PRDM1: variants seen among roughly 807,000 people sequenced by gnomAD.
The protein encoded by PRDM1 is PR/SET domain 1, also known as PR domain zinc finger protein 1.
Under a neutral mutation model 62.8 loss-of-function variants are expected in PRDM1, and 13 were observed. The ratio of observed to expected loss-of-function variants is 0.21; its 90% CI spans 0.13 to 0.33. PRDM1 has a LOEUF of 0.33. Ranked by LOEUF, PRDM1 falls within the 10% of genes least tolerant of loss-of-function variation. The pLI is 1.00. For synonymous variants in PRDM1, 396 were observed against 417.6 expected (o/e 0.95, Z 0.63); for missense variants, 895 against 1,058.8 (o/e 0.85, Z 2.15).
chr6:106,040,497 T>A (rs1402119397), intron 1 of PRDM1, among the ~76,000 whole-genome samples: 1 of 152,216 alleles, frequency 6.6e-6, no homozygotes, highest in African/African-American at 2.4e-5. Context: ...GTCCTCCTAG[T>A]TTCTGTTCTA....
In PRDM1 at chr6:106,099,393, C is replaced by T. The variant is rs144324355; in HGVS notation, c.505C>T (p.Arg169Trp). 7.4e-6 allele frequency: 12 copies of T among 1,614,188 alleles called. No individual in the cohort carries two copies. The highest frequency in any genetic ancestry group is 6.7e-5 in the East Asian group (3 of 44,886). ...CTATGTGAATCCAGCACACTCTCCCCGGGAGCAAAACCTGGCTGCGTGTCA... is the reference window on the plus strand; with the variant it reads ...CTATGTGAATCCAGCACACTCTCCCTGGGAGCAAAACCTGGCTGCGTGTCA... ...MRYVNPAHSP[R>W]EQNLAACQNG... Residue 169 changes from arginine to tryptophan, a missense_variant, in exon 4 of 7, where the codon CGG becomes TGG. Physicochemically the swap from Arg to Trp is moderately radical, Grantham distance 101 (BLOSUM62 -3). Around this residue, in one of 4 missense-constraint regions of PRDM1, gnomAD observed 213 missense variants for 283.9 expected, o/e 0.75. Transcript: ENST00000369096.
At chr6:106,064,799 C>T (rs1235091314) in intron 1 of PRDM1, among the ~76,000 whole-genome samples, 2 of 152,198 alleles carry the variant, frequency 1.3e-5, no homozygotes, top group Admixed American at 6.5e-5. Flanking sequence ...GAGAACAGCA[C>T]AGAGCCTTGG....
chr6:106,061,387 T>C (rs1379116763), intron 1 of PRDM1, among the ~76,000 whole-genome samples: 2 of 151,800 alleles, frequency 1.3e-5, no homozygotes, highest in Non-Finnish European at 2.9e-5. Flanking sequence ...GTTCCACTGA[T>C]CCGGACTGAG....
chr6:106,028,915 C>A (rs894366021), intron 1 of PRDM1, among the ~76,000 whole-genome samples: 2 of 145,714 alleles, frequency 1.4e-5, no homozygotes, highest in African/African-American at 5.1e-5. Flanking sequence ...TCTTTCTTTC[C>A]TTCTTTTTTT....
At chr6:106,058,093 T>C (rs1022034266) in intron 1 of PRDM1, among the ~76,000 whole-genome samples, 15 of 152,204 alleles carry the variant, frequency 9.9e-5, no homozygotes, top group African/African-American at 3.6e-4. Context: ...TGCACCAATA[T>C]TTGGCAAAAG....
chr6:106,068,410 G>A (rs759800164), intron 1 of PRDM1, among the ~76,000 whole-genome samples: 2 of 152,120 alleles, frequency 1.3e-5, no homozygotes, highest in Non-Finnish European at 2.9e-5. Flanking sequence ...TCTCCTCAGA[G>A]TAGCAACTGT....
chr6:106,100,767 G>A (rs2114641622), intron 4 of PRDM1, among the ~76,000 whole-genome samples: 1 of 152,222 alleles, frequency 6.6e-6, no homozygotes, highest in Non-Finnish European at 1.5e-5. Flanking sequence ...GGCTATAAAA[G>A]CATCAGGACC....
rs149922954 is a variant in PRDM1 at position 106,029,006 on chromosome 6, C to T, written c.-67+35367C>T. 4.6e-4 allele frequency among the ~76,000 whole-genome samples: 70 copies of T among 151,152 alleles called. No homozygotes were observed. In the East Asian group the frequency reaches 0.014, roughly 29 times the overall value. ...CACTATCTCGGCTCATTGCAACCTC[C>T]ACCTCCTGGGTTCAAGCGATTCTCC... On this transcript the variant is annotated intron_variant, in intron 1 of 6. Transcript: ENST00000652320.
intron 2 of PRDM1, among the ~76,000 whole-genome samples, chr6:106,092,851 G>A (rs902628049): frequency 2.0e-5 from 3 of 152,184 alleles, no homozygotes; most frequent in African/African-American, 7.2e-5. Flanking sequence ...GACTTAGAAT[G>A]GATATAGGTG....
chr6:106,025,066 T>G (rs1313919911), intron 1 of PRDM1, among the ~76,000 whole-genome samples: 3 of 152,210 alleles, frequency 2.0e-5, no homozygotes, highest in Admixed American at 6.5e-5. Flanking sequence ...ATTAATGGTT[T>G]AAAAATAAAT....
chr6:106,105,488 T>A lies in PRDM1; in HGVS notation c.1328T>A (p.Leu443Gln). ...GINNFGLFPRLCPVYSNLLGG... is the reference protein window; with the variant it reads ...GINNFGLFPRQCPVYSNLLGG... Reference sequence around the variant, plus strand: ...AACAACTTTGGCCTCTTCCCGAGGCTGTGCCCTGTCTACAGCAATCTCCTC... The same window carrying A: ...AACAACTTTGGCCTCTTCCCGAGGCAGTGCCCTGTCTACAGCAATCTCCTC... Residue 443 changes from leucine to glutamine, a missense_variant, in exon 5 of 7, where the codon CTG becomes CAG. This residue lies in a region of PRDM1 where 444 missense variants were observed against 422.7 expected (regional missense o/e 1.05). Coordinates refer to ENST00000369096, the MANE Select transcript of PRDM1 (RefSeq NM_001198.4). 6.2e-7 allele frequency: 1 copy of A among 1,614,092 alleles called. No homozygotes were observed. The highest frequency in any genetic ancestry group is 8.5e-7 in the Non-Finnish European group (1 of 1,180,024).
chr6:106,028,243 C>T (rs959376057), intron 1 of PRDM1, among the ~76,000 whole-genome samples: 2 of 152,116 alleles, frequency 1.3e-5, no homozygotes, highest in Non-Finnish European at 2.9e-5. Context: ...GTCTTTCGGT[C>T]CAATCGCATG....
At chr6:106,026,205 G>GC (rs1168488412) in intron 1 of PRDM1, among the ~76,000 whole-genome samples, 1 of 152,190 alleles carries the variant, frequency 6.6e-6, no homozygotes. Context: ...ATGGCCGGGT[G>GC]CAGTGACTCA....
intron 1 of PRDM1, chr6:106,072,205 T>C (rs1773530403): frequency 6.6e-6 from 1 of 152,258 alleles, no homozygotes; most frequent in South Asian, 2.1e-4. Flanking sequence ...ACTTCTTAGC[T>C]GTTTCACTGG....
chr6:106,078,270 A>G (rs987816126), intron 1 of PRDM1: 1 of 152,180 alleles, frequency 6.6e-6, no homozygotes, highest in Non-Finnish European at 1.5e-5. Flanking sequence ...GGAAGACATA[A>G]ATTTTCAGTC....
rs901554866 is a variant in PRDM1 at position 106,109,646 on chromosome 6, G to A, written c.*2160G>A. The A allele has an allele frequency of 5.1e-5, 12 of 233,150 alleles. No individual in the cohort carries two copies. The highest frequency in any genetic ancestry group is 7.6e-5 in the Non-Finnish European group (9 of 117,802). The allele number at this position is 233,150 out of a possible 1,614,324, so 14.4% of individuals were successfully genotyped here. ...AAATACTTTTGATTCCCAACTACTC[G>A]TTTGTTCTTTTTCTCCTTTTGTGCT... On this transcript the variant is annotated 3_prime_UTR_variant, in exon 7 of 7. Coordinates refer to ENST00000369096, the MANE Select transcript of PRDM1 (RefSeq NM_001198.4).
Position 106,088,379 on chromosome 6 carries a change from G to A in PRDM1, c.221G>A (p.Gly74Asp), listed in dbSNP as rs1281197775. ...CCCTGGGATTCTGGTGCTGATGGCG[G>A]TACTTCGGTTCAGGCGGAGGCATCC... ...DHPWDSGADGGTSVQAEASLP... is the reference protein window; with the variant it reads ...DHPWDSGADGDTSVQAEASLP... The change falls in exon 2 of 7, where the codon GGT becomes GAT. Residue 74 changes from glycine to aspartate, a missense_variant. Transcript: ENST00000369096. 2 of 1,614,188 alleles carry A rather than the reference G, an allele frequency of 1.2e-6. No homozygotes were observed. Among genetic ancestry groups the A allele is most frequent in the Non-Finnish European group, 8.5e-7 (1 of 1,180,042 alleles).
chr6:106,098,050 T>C, intron 3 of PRDM1: 1 of 240,166 alleles, frequency 4.2e-6, no homozygotes, highest in Non-Finnish European at 6.7e-6. Flanking sequence ...AGTTCCTTTT[T>C]ATTTCTGATA....
At chr6:106,090,120 G>T (rs1181464962) in intron 2 of PRDM1, among the ~76,000 whole-genome samples, 1 of 152,150 alleles carries the variant, frequency 6.6e-6, no homozygotes, top group Non-Finnish European at 1.5e-5. Flanking sequence ...CCAGACCGGG[G>T]ACTTGAAGCA....
Sources: allele counts gnomAD v4.1 joint callset (sites outside exome capture counted in the v4.1 genomes callset), GRCh38; gene constraint gnomAD v4.1.1; regional missense constraint gnomAD v4.1.1; transcripts MANE v1.5; gene names NCBI Gene and HGNC (gene_info 2026-07-23, HGNC 2026-07-21).